Variants in KANSL1 observed in about 807,000 individuals in gnomAD.
The protein encoded by KANSL1 is MLL1/MLL complex subunit KANSL1.
A neutral mutation model predicts 103.6 loss-of-function variants in KANSL1; 22 were observed. The ratio of observed to expected loss-of-function variants is 0.21; its 90% CI spans 0.15 to 0.30. The LOEUF is 0.30. KANSL1 is among the 10% of genes least tolerant of loss of function. The probability of loss-of-function intolerance (pLI) is 1.00; values close to 1 mark genes in which losing one functional copy is unlikely to be tolerated. For synonymous variants in KANSL1, 600 were observed against 527.6 expected (o/e 1.14, Z -1.88); for missense variants, 1,337 against 1,399.8 (o/e 0.96, Z 0.72).
At chr17:46,091,392 G>A (rs568292610) in intron 3 of KANSL1, among the ~76,000 whole-genome samples, 1 of 152,220 alleles carries the variant, frequency 6.6e-6, no homozygotes, top group South Asian at 2.1e-4. Flanking sequence ...AAAAGTTATA[G>A]TAAGCTAAGG....
intron 2 of KANSL1, among the ~76,000 whole-genome samples, chr17:46,126,823 T>C (rs1167641194): frequency 2.6e-5 from 4 of 152,146 alleles, no homozygotes; most frequent in Non-Finnish European, 5.9e-5. Context: ...GCTCCTAAAG[T>C]AGGAAAGAAT....
intron 1 of KANSL1, among the ~76,000 whole-genome samples, chr17:46,209,960 A>G (rs1359299424): frequency 2.6e-5 from 4 of 152,232 alleles, no homozygotes; most frequent in Non-Finnish European, 5.9e-5. Flanking sequence ...TAGGTACTCA[A>G]TAAGTATGTG....
chr17:46,075,240 T>G (rs986917047), intron 4 of KANSL1, among the ~76,000 whole-genome samples: 4 of 152,256 alleles, frequency 2.6e-5, no homozygotes, highest in African/African-American at 9.6e-5. Flanking sequence ...ATTTCAATGT[T>G]AATTTCGTGG....
At chr17:46,197,976 A>G (rs1008019884), upstream of KANSL1, among the ~76,000 whole-genome samples, 1 of 152,254 alleles carries the variant, frequency 6.6e-6, no homozygotes, top group Non-Finnish European at 1.5e-5. Context: ...GCACTTAAGA[A>G]AAAGCAATTA....
At position 46,039,870 on chromosome 17, in the gene KANSL1, G is replaced by A. The variant is rs1439142787; in HGVS notation, c.2035C>T (p.Leu679=). ...GATTTCAGCATGCTCTGGAAATGCA[G>A]GCTTGTGGGAACATCTGCAAGAAAC... is the stretch of plus-strand genomic sequence containing the variant. ...LAFPDDVPTS[L]HFQSMLKSQW... is the part of the protein sequence containing the mutation. Residue 679 remains leucine, a synonymous_variant, in exon 8 of 15, where the codon CTG becomes TTG. Transcript: ENST00000432791. The A allele has an allele frequency of 1.2e-6, 2 of 1,614,184 alleles. No homozygotes were observed. The highest frequency in any genetic ancestry group is 8.5e-7 in the Non-Finnish European group (1 of 1,180,016).
At chr17:46,200,968 A>T (rs2047785805) in intron 1 of KANSL1, among the ~76,000 whole-genome samples, 1 of 151,602 alleles carries the variant, frequency 6.6e-6, no homozygotes, top group Non-Finnish European at 1.5e-5. Flanking sequence ...GCTGGAGTGC[A>T]TGGCAAAATC....
At chr17:46,159,869 A>G (rs1326034434) in intron 2 of KANSL1, among the ~76,000 whole-genome samples, 2 of 152,238 alleles carry the variant, frequency 1.3e-5, no homozygotes, top group Non-Finnish European at 2.9e-5. Flanking sequence ...AGTAAAGGAA[A>G]ACTATTTAAA....
intron 6 of KANSL1, among the ~76,000 whole-genome samples, chr17:46,065,833 T>G (rs891808980): frequency 1.3e-5 from 2 of 152,216 alleles, no homozygotes; most frequent in African/African-American, 4.8e-5. Flanking sequence ...GACAAACTTT[T>G]TTTTAGTAAT....
chr17:46,193,710 G>T, upstream of KANSL1: 2 of 265,052 alleles, frequency 7.5e-6, no homozygotes, highest in Non-Finnish European at 7.9e-6. Context: ...CACTGCGGCA[G>T]GGGGAAGCCA....
At chr17:46,103,741 C>A (rs1258015693) in intron 2 of KANSL1, among the ~76,000 whole-genome samples, 3 of 152,174 alleles carry the variant, frequency 2.0e-5, no homozygotes, top group Non-Finnish European at 4.4e-5. Flanking sequence ...TTTGACACCT[C>A]TAGGCTGGCC....
chr17:46,105,931 ACACACACACACACACACCCCC>A (rs1567680655), intron 2 of KANSL1, among the ~76,000 whole-genome samples: 3,330 of 104,856 alleles, frequency 0.032, 72 homozygotes, highest in Admixed American at 0.051. Context: ...ACACACACAC[ACACACACACACACACACCCCC>A]CCAGAAGGGT....
chr17:46,144,205 C>T (rs1331597306), intron 2 of KANSL1, among the ~76,000 whole-genome samples: 6 of 152,218 alleles, frequency 3.9e-5, no homozygotes, highest in Admixed American at 3.3e-4. Context: ...TAAAAATTCC[C>T]ATTACTTGCG....
At chr17:46,045,401 T>C (rs1455399344) in intron 7 of KANSL1, 3 of 144,760 alleles carry the variant, frequency 2.1e-5, no homozygotes, top group Non-Finnish European at 1.6e-5. Flanking sequence ...GTAATTAATC[T>C]ACAGGCAAAT....
At chr17:46,113,898 G>C (rs565305418) in intron 2 of KANSL1, among the ~76,000 whole-genome samples, 2 of 152,254 alleles carry the variant, frequency 1.3e-5, no homozygotes, top group African/African-American at 2.4e-5. Context: ...CACTCAGAAA[G>C]TGCCAAAAAC....
At chr17:46,142,479 G>A (rs1196420738) in intron 2 of KANSL1, among the ~76,000 whole-genome samples, 2 of 152,014 alleles carry the variant, frequency 1.3e-5, no homozygotes, top group African/African-American at 2.4e-5. Flanking sequence ...TTAATAAGGG[G>A]GGCATAAGGG....
chr17:46,150,596 T>G (rs1443158266), intron 2 of KANSL1, among the ~76,000 whole-genome samples: 1 of 152,244 alleles, frequency 6.6e-6, no homozygotes, highest in African/African-American at 2.4e-5. Context: ...AACATAGCAC[T>G]GTTAATAAGA....
intron 1 of KANSL1, among the ~76,000 whole-genome samples, chr17:46,213,523 T>C (rs1241583055): frequency 6.7e-6 from 1 of 149,810 alleles, no homozygotes; most frequent in Non-Finnish European, 1.5e-5. Flanking sequence ...TTAGCCAGGA[T>C]GGTCTTGATC....
At chr17:46,098,498 T>C (rs2042173988) in intron 2 of KANSL1, among the ~76,000 whole-genome samples, 1 of 152,244 alleles carries the variant, frequency 6.6e-6, no homozygotes, top group Non-Finnish European at 1.5e-5. Context: ...ACTTAAAACA[T>C]TTTAGTTCGC....
At chr17:46,141,321 C>T (rs754456101) in intron 2 of KANSL1, among the ~76,000 whole-genome samples, 3 of 152,224 alleles carry the variant, frequency 2.0e-5, no homozygotes, top group Non-Finnish European at 4.4e-5. Flanking sequence ...AAAATCCACA[C>T]TGAAGACTAA....
Sources: gnomAD v4.1 joint callset for allele counts (sites outside exome capture counted in the v4.1 genomes callset) on GRCh38, gnomAD v4.1.1 for gene constraint, MANE v1.5 for transcripts, NCBI Gene and HGNC (gene_info 2026-07-23, HGNC 2026-07-21) for gene names.